The following DARS1 variants were observed in gnomAD, a reference collection of about 807,000 sequenced individuals.
DARS1 encodes the protein aspartyl-tRNA synthetase 1, also known as aspartate--tRNA ligase, cytoplasmic.
Under a neutral mutation model 68.8 loss-of-function variants are expected in DARS1, and 51 were observed. That is an observed-to-expected ratio of 0.74 (90% CI 0.59 to 0.94). DARS1 has a LOEUF of 0.94. DARS1 is among the 40% of genes least tolerant of loss of function. The pLI, the probability that DARS1 is intolerant of heterozygous loss-of-function variation, is 0.00. For synonymous variants in DARS1, 203 were observed against 190.4 expected (o/e 1.07, Z -0.55); for missense variants, 607 against 597.3 (o/e 1.02, Z -0.17).
intron 4 of DARS1, among the ~76,000 whole-genome samples, chr2:135,951,589 T>C (rs1425927453): frequency 6.6e-6 from 1 of 152,236 alleles, no homozygotes; most frequent in Non-Finnish European, 1.5e-5. Flanking sequence ...AATTTGAGTA[T>C]AATGAGAATT....
At chr2:135,948,326 T>C (rs1311914786) in intron 4 of DARS1, among the ~76,000 whole-genome samples, 1 of 152,188 alleles carries the variant, frequency 6.6e-6, no homozygotes, top group Non-Finnish European at 1.5e-5. Context: ...ACACCTCTCT[T>C]TGGGCCTCAA....
chr2:135,964,088 C>T (rs1394756801), intron 3 of DARS1, among the ~76,000 whole-genome samples: 5 of 152,154 alleles, frequency 3.3e-5, no homozygotes, highest in African/African-American at 4.8e-5. Context: ...ATGCAGGGCG[C>T]TGGGAACACG....
intron 4 of DARS1, among the ~76,000 whole-genome samples, chr2:135,951,771 T>C (rs887503008): frequency 1.3e-5 from 2 of 152,224 alleles, no homozygotes; most frequent in Non-Finnish European, 2.9e-5. Context: ...CAACTTTCCC[T>C]CTGATTTCAG....
chr2:135,982,673 G>C (rs968275261), intron 2 of DARS1, among the ~76,000 whole-genome samples: 2 of 152,000 alleles, frequency 1.3e-5, no homozygotes, highest in Admixed American at 1.3e-4. Flanking sequence ...AGATAGACTG[G>C]GGTCTAAGAA....
intron 11 of DARS1, 156 bp from the exon 12 acceptor site, chr2:135,914,667 C>A (rs1680969842): frequency 1.6e-6 from 1 of 630,234 alleles, no homozygotes; most frequent in African/African-American, 1.8e-5. Context: ...GCAAGTACTA[C>A]TGAAAATCAC....
intron 3 of DARS1, chr2:135,979,010 ATAAT>A (rs1682561715): frequency 3.2e-6 from 1 of 307,784 alleles, no homozygotes; most frequent in African/African-American, 2.2e-5. Flanking sequence ...CCAGCTGAAA[ATAAT>A]TAAACTTTAG....
In DARS1 at chr2:135,959,386, C is replaced by G. The variant is rs1290420153; in HGVS notation, c.320+2010G>C. On this transcript the variant is annotated intron_variant, in intron 4 of 15. Coordinates refer to ENST00000264161, the MANE Select transcript of DARS1 (RefSeq NM_001349.4). ...AGCCTGGGCAACAAGAGTGAAACTC[C>G]GTCTCAAAAAAAAAAAAAAAAAAAA... is the stretch of plus-strand genomic sequence containing the variant. Among the ~76,000 whole-genome samples, 3 of 50,306 alleles carry G rather than the reference C, an allele frequency of 6.0e-5. No individual in the cohort carries two copies. In the Admixed American group the frequency reaches 9.8e-4, roughly 16 times the overall value. 33.0% of individuals were successfully genotyped at this position (50,306 alleles called of 152,430 possible).
chr2:135,920,186 C>A (rs1681085746), intron 10 of DARS1, among the ~76,000 whole-genome samples: 2 of 152,144 alleles, frequency 1.3e-5, no homozygotes, highest in South Asian at 2.1e-4. Flanking sequence ...ACAAAAACAA[C>A]AACAAAATAC....
At chr2:135,911,939 CA>C (rs901328772) in intron 13 of DARS1, among the ~76,000 whole-genome samples, 64 of 152,144 alleles carry the variant, frequency 4.2e-4, no homozygotes, top group African/African-American at 1.5e-3. Context: ...TCAGTATTAC[CA>C]GAAATTTTTT....
rs771748845 is a variant in DARS1 at position 135,924,381 on chromosome 2, G to A, written c.676+6C>T. 3.1e-6 allele frequency: 5 copies of A among 1,588,028 alleles called. No homozygotes were observed. The highest frequency in any genetic ancestry group is 3.4e-6 in the Non-Finnish European group (4 of 1,172,762). On this transcript the variant is annotated splice_donor_region_variant and intron_variant, in intron 8 of 15. Transcript: ENST00000264161. ...TAAAAATTAAGAGAAATATTTTGAA[G>A]CATACCTGAAATAATTTTAGGAGTT...
intron 5 of DARS1, chr2:135,943,152 C>A: frequency 2.1e-6 from 1 of 474,528 alleles, no homozygotes; most frequent in South Asian, 3.4e-5. Flanking sequence ...GCAGATGAGC[C>A]ATCTCAGTTG....
In DARS1 at chr2:135,944,328, G is replaced by C. The variant is rs1274122831; in HGVS notation, c.321-848C>G. Among the ~76,000 whole-genome samples the C allele has an allele frequency of 2.0e-5, 3 of 152,114 alleles. No individual in the cohort carries two copies. In the South Asian group the frequency reaches 6.2e-4, roughly 31 times the overall value. The stretch of plus-strand genomic sequence containing the variant: ...ATATCACAATATAGTTGATGAAAAG[G>C]ATAAGATTTAATTTTCATGGAAAAA... On this transcript the variant is annotated intron_variant, in intron 4 of 15. Transcript: ENST00000264161.
intron 7 of DARS1, among the ~76,000 whole-genome samples, chr2:135,925,664 A>G (rs529904264): frequency 1.3e-5 from 2 of 152,336 alleles, no homozygotes; most frequent in South Asian, 4.1e-4. Context: ...AACCATTTCA[A>G]AGGTCTTTAT....
intron 3 of DARS1, among the ~76,000 whole-genome samples, chr2:135,963,922 C>T (rs1394966917): frequency 6.6e-6 from 1 of 152,106 alleles, no homozygotes; most frequent in Non-Finnish European, 1.5e-5. Context: ...CCCAGGTGAT[C>T]CACCCGCCTT....
At chr2:135,971,917 C>T (rs1316807993) in intron 3 of DARS1, among the ~76,000 whole-genome samples, 3 of 152,022 alleles carry the variant, frequency 2.0e-5, no homozygotes, top group Admixed American at 6.6e-5. Flanking sequence ...CTATAGAACA[C>T]TATTGAAAGA....
In DARS1 at chr2:135,906,589, T is replaced by A. The variant is rs1306096400; in HGVS notation, c.*727A>T. ...GACAACATATTAGTCTTTATTTATA[T>A]AAACTAGTTGTGTATTTTTTCTTTT... On this transcript the variant is annotated 3_prime_UTR_variant, in exon 16 of 16. Coordinates refer to ENST00000264161, the MANE Select transcript of DARS1 (RefSeq NM_001349.4). 1.3e-5 allele frequency: 2 copies of A among 152,236 alleles called. No individual in the cohort carries two copies. Among genetic ancestry groups the A allele is most frequent in the East Asian group, 3.8e-4 (2 of 5,202 alleles). 9.4% of individuals were successfully genotyped at this position (152,236 alleles called of 1,614,324 possible). A position where few individuals can be genotyped will look rare whatever the true frequency, so the allele number is the denominator to read the frequency against.
rs758933607 is a variant in DARS1 at position 135,911,417 on chromosome 2, T to C, written c.1307A>G (p.Gln436Arg). Residue 436 changes from glutamine to arginine, a missense_variant, in exon 14 of 16, where the codon CAA becomes CGA. Coordinates refer to ENST00000264161, the MANE Select transcript of DARS1 (RefSeq NM_001349.4). ...ATGTAAAGCTCTCTCTGTTAGCAGTTGAGGATCATGTATTCTTTGAGCTCC... is the reference window on the plus strand; with the variant it reads ...ATGTAAAGCTCTCTCTGTTAGCAGTCGAGGATCATGTATTCTTTGAGCTCC... Reference protein sequence around the residue: ...LSGAQRIHDPQLLTERALHHG... With the variant: ...LSGAQRIHDPRLLTERALHHG... The C allele has an allele frequency of 9.6e-7, 1 of 1,037,154 alleles. No individual in the cohort carries two copies. Among genetic ancestry groups the C allele is most frequent in the Admixed American group, 1.7e-5 (1 of 59,312 alleles). 64.2% of individuals were successfully genotyped at this position (1,037,154 alleles called of 1,614,324 possible).
Position 135,911,188 on chromosome 2 carries a change from G to T in DARS1, c.1365C>A (p.Tyr455Ter). 1 of 1,544,446 alleles carries T rather than the reference G, an allele frequency of 6.5e-7. No individual in the cohort carries two copies. The highest frequency in any genetic ancestry group is 9.0e-7 in the Non-Finnish European group (1 of 1,117,108). Residue 455 changes from tyrosine (Y) to a stop codon, truncating the protein, a stop_gained, in exon 15 of 16, where the codon TAC becomes TAA. Coordinates refer to ENST00000264161, the MANE Select transcript of DARS1 (RefSeq NM_001349.4). LOFTEE classifies it high-confidence loss of function. ...GGGCTCCAAAGCGGAAGGAATCAAT[G>T]TAAGCCTTAATTTTCTCCAAATCTG... ...HGIDLEKIKA[Y>*]IDSFRFGAPP...
chr2:135,924,504 A>G lies in DARS1; in HGVS notation c.565-6T>C, dbSNP rs763517770. 5.0e-6 allele frequency: 8 copies of G among 1,601,494 alleles called. No homozygotes were observed. In the Admixed American group the frequency reaches 1.2e-4, roughly 25 times the overall value. ...ACTGCCTGACTAGTTGATGTCTAGA[A>G]GACAGTAATAAAATCTAATTAAATC... On this transcript the variant is annotated splice_region_variant and splice_polypyrimidine_tract_variant and intron_variant, in intron 7 of 15. Coordinates refer to ENST00000264161, the MANE Select transcript of DARS1 (RefSeq NM_001349.4).
Sources: allele counts gnomAD v4.1 joint callset (sites outside exome capture counted in the v4.1 genomes callset), GRCh38; gene constraint gnomAD v4.1.1; transcripts MANE v1.5; gene names NCBI Gene and HGNC (gene_info 2026-07-23, HGNC 2026-07-21).